Variants in INTS12 observed in about 807,000 individuals in gnomAD.
The protein encoded by INTS12 is integrator complex subunit 12, also known as PHD finger protein 22.
In INTS12, 13 loss-of-function variants were observed where a neutral mutation model predicts 41.6. That is an observed-to-expected ratio of 0.31 (90% CI 0.20 to 0.50). The LOEUF (loss-of-function observed/expected upper bound fraction) is 0.50, where lower values mean the gene tolerates loss of function less well. Among genes scored for constraint, INTS12 ranks in the 20% least tolerant of loss-of-function variants. The probability of loss-of-function intolerance (pLI) is 0.98; values close to 1 mark genes in which losing one functional copy is unlikely to be tolerated. For synonymous variants in INTS12, 199 were observed against 191.4 expected (o/e 1.04, Z -0.33); for missense variants, 432 against 541.6 (o/e 0.80, Z 2.01).
At chr4:105,698,302 T>C (rs944004756) in intron 3 of INTS12, among the ~76,000 whole-genome samples, 10 of 152,208 alleles carry the variant, frequency 6.6e-5, no homozygotes, top group South Asian at 4.1e-4. Context: ...AGGTGATTCT[T>C]ATCCATGCTA....
intron 6 of INTS12, 67 bp from the exon 7 acceptor site, chr4:105,686,905 C>T (rs1209822086): frequency 6.1e-6 from 8 of 1,321,922 alleles, no homozygotes; most frequent in Non-Finnish European, 8.7e-6. Flanking sequence ...ATAATAATCC[C>T]TCACAGGACT....
chr4:105,695,800 A>C, intron 3 of INTS12, 132 bp from the exon 4 acceptor site: 1 of 693,454 alleles, frequency 1.4e-6, no homozygotes, highest in Non-Finnish European at 2.4e-6. Context: ...TCCTTTCTTA[A>C]ATAGTTAAAT....
intron 5 of INTS12, among the ~76,000 whole-genome samples, chr4:105,692,461 G>C (rs948015620): frequency 2.8e-5 from 4 of 141,764 alleles, no homozygotes; most frequent in African/African-American, 1.1e-4. Context: ...TCCAGCCTTG[G>C]TGACAGAGTA....
At chr4:105,703,046 C>T in intron 2 of INTS12, 1 of 983,670 alleles carries the variant, frequency 1.0e-6, no homozygotes, top group Non-Finnish European at 1.2e-6. Context: ...AAATATTTTC[C>T]TGGAGTTACA....
At chr4:105,702,290 C>A (rs1732110376) in intron 2 of INTS12, among the ~76,000 whole-genome samples, 1 of 151,808 alleles carries the variant, frequency 6.6e-6, no homozygotes, top group South Asian at 2.1e-4. Context: ...CGCCCGCCAC[C>A]ACACCCGGCT....
intron 1 of INTS12, chr4:105,707,907 T>C: frequency 1.0e-6 from 1 of 960,568 alleles, no homozygotes; most frequent in Non-Finnish European, 1.2e-6. Flanking sequence ...CTAGATCCAT[T>C]TTTCACCCTA....
chr4:105,708,370 G>A, intron 1 of INTS12: 3 of 985,462 alleles, frequency 3.0e-6, no homozygotes, highest in Non-Finnish European at 3.6e-6. Context: ...CTCCGACAAA[G>A]TCCGAGGCAG....
In INTS12 at chr4:105,695,568, A is replaced by C. The variant is rs370403762; in HGVS notation, c.257T>G (p.Val86Gly). The C allele has an allele frequency of 1.9e-6, 3 of 1,612,932 alleles. No individual in the cohort carries two copies. The highest frequency in any genetic ancestry group is 8.5e-7 in the Non-Finnish European group (1 of 1,179,550). ...CTTCTTTACCTTTTCAGTTGTGAGG[A>C]CCTTGCCATTATTATTACCAGAAGG... ...SLPSGNNNGK[V>G]LTTEKVKKEA... Residue 86 changes from valine (V) to glycine (G), a missense_variant, in exon 4 of 8, where the codon GTC becomes GGC. By Grantham distance (109) the Val-to-Gly change is moderately radical (BLOSUM62 -3). Coordinates refer to ENST00000340139, the MANE Select transcript of INTS12 (RefSeq NM_020395.4).
intron 2 of INTS12, among the ~76,000 whole-genome samples, chr4:105,700,441 T>C (rs1422295030): frequency 1.3e-5 from 2 of 152,092 alleles, no homozygotes; most frequent in Non-Finnish European, 2.9e-5. Context: ...GTGCAGGTGT[T>C]TGTGTGTGTA....
At position 105,703,776 on chromosome 4, in the gene INTS12, A is replaced by G. The variant is rs539451984; in HGVS notation, c.-138T>C. The stretch of plus-strand genomic sequence containing the variant: ...AGTTATACTTCCTCCATTTTCTTTT[A>G]AAATTGCTTCTGTGTTTCAGTAGAT... On this transcript the variant is annotated 5_prime_UTR_variant, in exon 2 of 8. Transcript: ENST00000340139. The G allele has an allele frequency of 6.6e-6, 1 of 152,290 alleles. No homozygotes were observed. The highest frequency in any genetic ancestry group is 1.9e-4 in the East Asian group (1 of 5,192). The allele number at this position is 152,290 out of a possible 1,614,324, so 9.4% of individuals were successfully genotyped here.
At chr4:105,699,423 C>G (rs1731980511) in intron 3 of INTS12, among the ~76,000 whole-genome samples, 1 of 152,110 alleles carries the variant, frequency 6.6e-6, no homozygotes, top group South Asian at 2.1e-4. Context: ...TTCATCCATA[C>G]CTCCTTTTCT....
At chr4:105,704,287 T>C (rs1460041610) in intron 1 of INTS12, among the ~76,000 whole-genome samples, 1 of 152,242 alleles carries the variant, frequency 6.6e-6, no homozygotes, top group Non-Finnish European at 1.5e-5. Context: ...CAGTCATCTT[T>C]GTAGGTTCCT....
chr4:105,698,606 C>T (rs1244223913), intron 3 of INTS12, among the ~76,000 whole-genome samples: 1 of 152,108 alleles, frequency 6.6e-6, no homozygotes, highest in Non-Finnish European at 1.5e-5. Context: ...TACCAACACC[C>T]ACAGTGGAAT....
At chr4:105,696,149 C>T (rs913380646) in intron 3 of INTS12, among the ~76,000 whole-genome samples, 2 of 152,196 alleles carry the variant, frequency 1.3e-5, no homozygotes, top group African/African-American at 4.8e-5. Context: ...CCACACCTGG[C>T]CCAAACTACA....
intron 2 of INTS12, among the ~76,000 whole-genome samples, chr4:105,700,557 T>G (rs1732029788): frequency 6.6e-6 from 1 of 150,418 alleles, no homozygotes; most frequent in Non-Finnish European, 1.5e-5. Context: ...TTTTCTAAAC[T>G]CACCTCTTCA....
chr4:105,698,627 GTA>G (rs1185524894), intron 3 of INTS12, among the ~76,000 whole-genome samples: 1 of 152,186 alleles, frequency 6.6e-6, no homozygotes, highest in Non-Finnish European at 1.5e-5. Flanking sequence ...GAATTTGGTA[GTA>G]TGTTTTGTAG....
Position 105,695,652 on chromosome 4 carries a change from T to C in INTS12, c.173A>G (p.Lys58Arg), listed in dbSNP as rs1731836394. 1 of 1,612,514 alleles carries C rather than the reference T, an allele frequency of 6.2e-7. No individual in the cohort carries two copies. The change falls in exon 4 of 8, where the codon AAA (lysine) becomes AGA (arginine). Residue 58 changes from lysine (K) to arginine (R), a missense_variant. By Grantham distance (26) the Lys-to-Arg change is conservative. Around this residue, in one of 3 missense-constraint regions of INTS12, gnomAD observed 168 missense variants for 198.9 expected, o/e 0.84. Coordinates refer to ENST00000340139, the MANE Select transcript of INTS12 (RefSeq NM_020395.4). ...RPSQKDVEPPKISSTKNISIK... is the reference protein window; with the variant it reads ...RPSQKDVEPPRISSTKNISIK... ...GGAAATGTTTTTTGTGCTTGAAATT[T>C]TGGGTGGCTCCACATCCTAAAAGAT...
In INTS12 at chr4:105,706,403, C is replaced by T. The variant is rs1578395183; in HGVS notation, c.-172+2235G>A. 2.6e-5 allele frequency: 4 copies of T among 152,190 alleles called. No individual in the cohort carries two copies. The East Asian group carries it at 5.8e-4, about 22-fold the overall frequency. The allele number at this position is 152,190 out of a possible 1,614,324, so 9.4% of individuals were successfully genotyped here. A position where few individuals can be genotyped will look rare whatever the true frequency, so the allele number is the denominator to read the frequency against. ...CCAAGCAGCTAGGACTACAGGCATGCACCACCGTAACCATGCCCAGGTAAT... is the reference window on the plus strand; with the variant it reads ...CCAAGCAGCTAGGACTACAGGCATGTACCACCGTAACCATGCCCAGGTAAT... On this transcript the variant is annotated intron_variant, in intron 1 of 7. Transcript: ENST00000340139.
Position 105,708,619 on chromosome 4 carries a change from G to C in INTS12, c.-172+19C>G. On this transcript the variant is annotated intron_variant, in intron 1 of 7. Transcript: ENST00000340139. The stretch of plus-strand genomic sequence containing the variant: ...GAGCCTCCAGGAGGCCAGGAGCAGA[G>C]TCGCTCAGCATAACTCACCGTTCCG... 1.0e-6 allele frequency: 1 copy of C among 984,972 alleles called. No homozygotes were observed. The highest frequency in any genetic ancestry group is 1.2e-6 in the Non-Finnish European group (1 of 829,838). 61.0% of individuals were successfully genotyped at this position (984,972 alleles called of 1,614,324 possible). A position where few individuals can be genotyped will look rare whatever the true frequency, so the allele number is the denominator to read the frequency against.
Sources: allele counts gnomAD v4.1 joint callset (sites outside exome capture counted in the v4.1 genomes callset), GRCh38; gene constraint gnomAD v4.1.1; regional missense constraint gnomAD v4.1.1; transcripts MANE v1.5; gene names NCBI Gene and HGNC (gene_info 2026-07-23, HGNC 2026-07-21).